The following TTLL5 variants were observed in gnomAD, a reference collection of about 807,000 sequenced individuals.
TTLL5 encodes the protein tubulin polyglutamylase TTLL5.
TTLL5 carries 132 observed loss-of-function variants against 168.4 expected under a neutral mutation model. That is an observed-to-expected ratio of 0.78 (90% confidence interval 0.68 to 0.91). The LOEUF (loss-of-function observed/expected upper bound fraction) is 0.91. Ranked by LOEUF, TTLL5 falls within the 40% of genes least tolerant of loss-of-function variation. The probability of loss-of-function intolerance (pLI) is 0.00; values close to 1 mark genes in which losing one functional copy is unlikely to be tolerated. For synonymous variants in TTLL5, 546 were observed against 558.6 expected (o/e 0.98, Z 0.32); for missense variants, 1,545 against 1,581.5 (o/e 0.98, Z 0.39).
intron 12 of TTLL5, among the ~76,000 whole-genome samples, chr14:75,729,425 T>C (rs1888392484): frequency 1.3e-5 from 2 of 150,396 alleles, no homozygotes. Context: ...TCAATGCCCA[T>C]AGAAAATACC....
chr14:75,948,258 G>T (rs144505213), intron 31 of TTLL5, among the ~76,000 whole-genome samples: 1 of 152,146 alleles, frequency 6.6e-6, no homozygotes, highest in African/African-American at 2.4e-5. Flanking sequence ...GCCAAGACGG[G>T]TGGATCACCT....
At chr14:75,865,534 GA>G (rs953228782) in intron 29 of TTLL5, among the ~76,000 whole-genome samples, 1 of 150,172 alleles carries the variant, frequency 6.7e-6, no homozygotes, top group South Asian at 2.1e-4. Flanking sequence ...ATACAAGTCA[GA>G]AAAAAAAACT....
intron 28 of TTLL5, among the ~76,000 whole-genome samples, chr14:75,832,845 A>C (rs1293132960): frequency 6.6e-6 from 1 of 152,124 alleles, no homozygotes; most frequent in Non-Finnish European, 1.5e-5. Context: ...CTTCTCTTTC[A>C]GTCTGCAAGC....
chr14:75,725,223 T>C (rs914397830), intron 12 of TTLL5, among the ~76,000 whole-genome samples: 3 of 152,250 alleles, frequency 2.0e-5, no homozygotes, highest in Admixed American at 6.5e-5. Flanking sequence ...AGGATGTCCA[T>C]AAATAATTGT....
chr14:75,866,347 A>G (rs1018679816), intron 29 of TTLL5, among the ~76,000 whole-genome samples: 7 of 152,160 alleles, frequency 4.6e-5, no homozygotes, highest in African/African-American at 1.7e-4. Flanking sequence ...TACTTTTCCA[A>G]TGAACTCCTT....
rs1566675857 is a variant in TTLL5, at chr14:75,955,031, C to G, written c.*585C>G. The G allele has an allele frequency of 6.6e-6, 1 of 152,150 alleles. No homozygotes were observed. 9.4% of individuals were successfully genotyped at this position (152,150 alleles called of 1,614,324 possible). On this transcript the variant is annotated 3_prime_UTR_variant, in exon 32 of 32. Transcript: ENST00000298832. The stretch of plus-strand genomic sequence containing the variant: ...GACAACATGAGCCAGGGTAAAGGCA[C>G]CCTTTGGAATTACTGATTTCAAAGA...
chr14:75,832,624 G>T (rs1226070197), intron 28 of TTLL5, among the ~76,000 whole-genome samples: 1 of 152,152 alleles, frequency 6.6e-6, no homozygotes, highest in African/African-American at 2.4e-5. Context: ...AACGTGCTTT[G>T]TAAACTGTAA....
At chr14:75,839,284 C>A (rs1436406721) in intron 28 of TTLL5, among the ~76,000 whole-genome samples, 3 of 152,164 alleles carry the variant, frequency 2.0e-5, no homozygotes, top group African/African-American at 7.2e-5. Context: ...TTTCGAGGAA[C>A]CATCATACTG....
At chr14:75,822,858 T>C (rs1894907934) in intron 28 of TTLL5, among the ~76,000 whole-genome samples, 1 of 152,130 alleles carries the variant, frequency 6.6e-6, no homozygotes, top group Admixed American at 6.5e-5. Context: ...TCAGGCTTTG[T>C]TGTGGGAGAA....
rs117213294 is a variant in TTLL5 at position 75,861,097 on chromosome 14, G to A, written c.3327-2570G>A. Among the ~76,000 whole-genome samples, 76 of 152,172 alleles carry A rather than the reference G, an allele frequency of 5.0e-4. No homozygotes were observed. The East Asian group carries it at 0.012, about 24-fold the overall frequency. ...GAAGGATCACTGAAGATCAAATGTC[G>A]CACTCAGAAAACTTAATAGATAAGC... On this transcript the variant is annotated intron_variant, in intron 28 of 31. Coordinates refer to ENST00000298832, the MANE Select transcript of TTLL5 (RefSeq NM_015072.5).
chr14:75,705,048 C>T lies in TTLL5; in HGVS notation c.586-1970C>T, dbSNP rs538134652. Among the ~76,000 whole-genome samples, 62 of 152,306 alleles carry T rather than the reference C, an allele frequency of 4.1e-4. No individual in the cohort carries two copies. The South Asian group carries it at 0.011, about 28-fold the overall frequency. ...AGAGAGCTGTGATTGTTTGATTTTA[C>T]GTTTACAACATAGCCTGCAGCTGTA... is the stretch of plus-strand genomic sequence containing the variant. On this transcript the variant is annotated intron_variant, in intron 7 of 31. Transcript: ENST00000298832.
At chr14:75,919,168 T>C (rs1373023335) in intron 31 of TTLL5, among the ~76,000 whole-genome samples, 1 of 113,706 alleles carries the variant, frequency 8.8e-6, no homozygotes, top group African/African-American at 3.4e-5. Context: ...GCCACTGCAC[T>C]CCAGCCTGGC....
intron 20 of TTLL5, among the ~76,000 whole-genome samples, chr14:75,767,299 C>T (rs1891025928): frequency 6.6e-6 from 1 of 152,132 alleles, no homozygotes; most frequent in African/African-American, 2.4e-5. Context: ...CAAGATAGGC[C>T]TGGAGTTTAC....
chr14:75,882,249 G>A (rs993756223), intron 29 of TTLL5, among the ~76,000 whole-genome samples: 1 of 152,116 alleles, frequency 6.6e-6, no homozygotes, highest in African/African-American at 2.4e-5. Flanking sequence ...CTTTCTAGAG[G>A]AGCTCAGAGT....
intron 31 of TTLL5, among the ~76,000 whole-genome samples, chr14:75,950,719 G>A (rs1017969835): frequency 6.6e-6 from 1 of 152,064 alleles, no homozygotes; most frequent in Non-Finnish European, 1.5e-5. Context: ...TGTAATCCCA[G>A]CACTTTGGGT....
chr14:75,666,854 A>G (rs1283645425), intron 2 of TTLL5, among the ~76,000 whole-genome samples: 3 of 152,252 alleles, frequency 2.0e-5, no homozygotes, highest in African/African-American at 4.8e-5. Flanking sequence ...TAGGCTTTCA[A>G]TAAAGTGAAT....
chr14:75,667,751 G>GTTTCTTTTTTTTT (rs1883375484), intron 2 of TTLL5, among the ~76,000 whole-genome samples: 1 of 89,084 alleles, frequency 1.1e-5, no homozygotes, highest in Non-Finnish European at 2.0e-5. Flanking sequence ...ATCTTTTTAT[G>GTTTCTTTTTTTTT]TTTTTTTTTT....
chr14:75,856,128 C>T lies in TTLL5; in HGVS notation c.3327-7539C>T, dbSNP rs139295155. Among the ~76,000 whole-genome samples, 148 of 152,256 alleles carry T rather than the reference C, an allele frequency of 9.7e-4. 1 individual carries two copies. In the East Asian group the frequency reaches 0.021, roughly 21 times the overall value. On this transcript the variant is annotated intron_variant, in intron 28 of 31. Transcript: ENST00000298832. The stretch of plus-strand genomic sequence containing the variant: ...CTGTAATCCCAGCACTTTGGGAGGC[C>T]GAGGCGGGCTGATCACCTGAGGTCG...
chr14:75,926,523 A>G (rs1352733242), intron 31 of TTLL5, among the ~76,000 whole-genome samples: 1 of 152,170 alleles, frequency 6.6e-6, no homozygotes, highest in Non-Finnish European at 1.5e-5. Context: ...AAGGATTTGA[A>G]TAGACATTTC....
Sources: gnomAD v4.1 joint callset for allele counts (sites outside exome capture counted in the v4.1 genomes callset) on GRCh38, gnomAD v4.1.1 for gene constraint, MANE v1.5 for transcripts, NCBI Gene and HGNC (gene_info 2026-07-23, HGNC 2026-07-21) for gene names.